Variants in MAB21L3 observed in about 807,000 individuals in gnomAD.
MAB21L3 encodes the protein protein mab-21-like 3.
Under a neutral mutation model 37.7 loss-of-function variants are expected in MAB21L3, and 36 were observed. The ratio of observed to expected loss-of-function variants is 0.96; its 90% CI spans 0.73 to 1.26. The LOEUF is 1.26. Among genes scored for constraint, MAB21L3 ranks in the 50% most tolerant of loss-of-function variants. The pLI is 0.00. For synonymous variants in MAB21L3, 186 were observed against 176.8 expected (o/e 1.05, Z -0.41); for missense variants, 430 against 447.3 (o/e 0.96, Z 0.35).
chr1:116,127,448 T>G lies in MAB21L3; in HGVS notation c.482-18T>G. ...AAACCTTTCTCTTCTCCTTATCCAT[T>G]TGGTCATTTCCCACCAGGTAAGGTC... On this transcript the variant is annotated intron_variant, in intron 5 of 7. Transcript: ENST00000369500. The G allele has an allele frequency of 6.2e-7, 1 of 1,608,986 alleles. No individual in the cohort carries two copies. Among genetic ancestry groups the G allele is most frequent in the South Asian group, 1.1e-5 (1 of 90,376 alleles).
At chr1:116,128,556 C>T (rs1463912717) in intron 7 of MAB21L3, among the ~76,000 whole-genome samples, 1 of 152,114 alleles carries the variant, frequency 6.6e-6, no homozygotes, top group Non-Finnish European at 1.5e-5. Flanking sequence ...AACACCCCTG[C>T]CCAGGGTAAA....
chr1:116,130,115 C>T (rs73000663), intron 7 of MAB21L3, among the ~76,000 whole-genome samples: 5,222 of 152,274 alleles, frequency 0.034, 275 homozygotes, highest in African/African-American at 0.11. Context: ...ATAACCTTAA[C>T]GATTGACTTC....
At chr1:116,130,409 A>G (rs1044276156) in intron 7 of MAB21L3, among the ~76,000 whole-genome samples, 3 of 152,258 alleles carry the variant, frequency 2.0e-5, no homozygotes, top group African/African-American at 7.2e-5. Context: ...GGAGTAAGAT[A>G]AACAGAAAGT....
intron 7 of MAB21L3, among the ~76,000 whole-genome samples, chr1:116,131,573 G>A (rs149196267): frequency 0.021 from 3,231 of 152,144 alleles, 103 homozygotes; most frequent in African/African-American, 0.074. Context: ...GGAGTGCAGC[G>A]GCATGATCTT....
At chr1:116,114,436 A>G (rs1659511346) in intron 3 of MAB21L3, among the ~76,000 whole-genome samples, 1 of 152,240 alleles carries the variant, frequency 6.6e-6, no homozygotes, top group Admixed American at 6.5e-5. Context: ...AGGAGGAAAC[A>G]GAGGCTTGTG....
In MAB21L3 at chr1:116,133,560, G is replaced by A; in HGVS notation, c.*195G>A. On this transcript the variant is annotated 3_prime_UTR_variant, in exon 8 of 8. Transcript: ENST00000369500. ...GATGTCTGGCCCAGGCCTCCCTGGA[G>A]CCCAGCAAGCATTTCTGCCCTAGCT... 1.6e-6 allele frequency: 1 copy of A among 608,030 alleles called. No homozygotes were observed. Among genetic ancestry groups the A allele is most frequent in the Non-Finnish European group, 2.9e-6 (1 of 344,700 alleles). The allele number at this position is 608,030 out of a possible 1,614,324, so 37.7% of individuals were successfully genotyped here. A position where few individuals can be genotyped will look rare whatever the true frequency, so the allele number is the denominator to read the frequency against.
intron 3 of MAB21L3, among the ~76,000 whole-genome samples, chr1:116,113,902 A>T (rs1450542409): frequency 1.3e-5 from 2 of 152,094 alleles, no homozygotes; most frequent in Non-Finnish European, 2.9e-5. Flanking sequence ...TGCCTCTCTC[A>T]CGTGTGTCCC....
chr1:116,122,670 C>G (rs1659785914), intron 4 of MAB21L3, among the ~76,000 whole-genome samples: 1 of 152,208 alleles, frequency 6.6e-6, no homozygotes, highest in African/African-American at 2.4e-5. Context: ...AAGTGATTTT[C>G]CCACCTCAGC....
At chr1:116,127,126 A>G (rs556897179) in intron 5 of MAB21L3, among the ~76,000 whole-genome samples, 34 of 152,258 alleles carry the variant, frequency 2.2e-4, no homozygotes, top group African/African-American at 7.2e-4. Flanking sequence ...TTTTTATTCT[A>G]TGGCTTTTAC....
chr1:116,130,270 C>A (rs1660034987), intron 7 of MAB21L3, among the ~76,000 whole-genome samples: 1 of 152,226 alleles, frequency 6.6e-6, no homozygotes, highest in African/African-American at 2.4e-5. Flanking sequence ...ATTCTGATGG[C>A]TCCTAAGTCA....
chr1:116,115,962 C>T (rs111712699), intron 3 of MAB21L3, among the ~76,000 whole-genome samples: 1 of 152,128 alleles, frequency 6.6e-6, no homozygotes, highest in African/African-American at 2.4e-5. Context: ...TGCCTCAAGG[C>T]TGCCTTGAAG....
rs1230781287 is a variant in MAB21L3 at position 116,128,350 on chromosome 1, G to A, written c.855+11G>A. ...TCCCACCATCTGCAGGTGAGTGTGG[G>A]GCAGGTTGGAGAAGACCCAGGGGCA... On this transcript the variant is annotated intron_variant, in intron 7 of 7. Coordinates refer to ENST00000369500, the MANE Select transcript of MAB21L3 (RefSeq NM_152367.3). 6 of 1,603,372 alleles carry A rather than the reference G, an allele frequency of 3.7e-6. No individual in the cohort carries two copies. The African/African-American group carries it at 8.2e-5, about 22-fold the overall frequency.
Position 116,124,258 on chromosome 1 carries a change from G to A in MAB21L3, c.382G>A (p.Glu128Lys). ...TATGAAGAGCCTGTGGCAGTGGCAT[G>A]AGACAGATGTGAACATCGACGGAGA... The part of the protein sequence containing the change: ...QFMKSLWQWH[E>K]TDVNIDGDIV... The change falls in exon 5 of 8, where the codon GAG becomes AAG. Residue 128 changes from glutamate to lysine, a missense_variant. Physicochemically the swap from Glu to Lys is moderately conservative, Grantham distance 56. Coordinates refer to ENST00000369500, the MANE Select transcript of MAB21L3 (RefSeq NM_152367.3). The A allele has an allele frequency of 3.1e-6, 5 of 1,614,194 alleles. No homozygotes were observed. The highest frequency in any genetic ancestry group is 4.2e-6 in the Non-Finnish European group (5 of 1,180,042).
chr1:116,118,057 T>C (rs887217403), intron 3 of MAB21L3, among the ~76,000 whole-genome samples: 2 of 152,098 alleles, frequency 1.3e-5, no homozygotes, highest in Non-Finnish European at 2.9e-5. Context: ...AAAAAACTGT[T>C]CGCATCCCTG....
chr1:116,126,986 A>T (rs1263666142), intron 5 of MAB21L3, among the ~76,000 whole-genome samples: 1 of 152,174 alleles, frequency 6.6e-6, no homozygotes, highest in African/African-American at 2.4e-5. Flanking sequence ...AGCACTTTTA[A>T]GGTAGGGTAG....
rs138163031 is a variant in MAB21L3, at chr1:116,124,169, C to A, written c.293C>A (p.Thr98Asn). 1 of 1,614,202 alleles carries A rather than the reference C, an allele frequency of 6.2e-7. No homozygotes were observed. The highest frequency in any genetic ancestry group is 1.1e-5 in the South Asian group (1 of 91,082). Residue 98 changes from threonine to asparagine, a missense_variant, in exon 5 of 8, where the codon ACC (threonine) becomes AAC (asparagine). Physicochemically the swap from Thr to Asn is moderately conservative, Grantham distance 65. Coordinates refer to ENST00000369500, the MANE Select transcript of MAB21L3 (RefSeq NM_152367.3). ...TGGCGGTACTACACACTGCAGGGCA[C>A]CAGGCTGCCCTGCCCGTTGCGGGAC... ...QHWRYYTLQGTRLPCPLRDPE... is the reference protein window; with the variant it reads ...QHWRYYTLQGNRLPCPLRDPE...
At chr1:116,115,082 T>C (rs1383793398) in intron 3 of MAB21L3, among the ~76,000 whole-genome samples, 3 of 152,338 alleles carry the variant, frequency 2.0e-5, no homozygotes, top group Non-Finnish European at 4.4e-5. Context: ...TTTGGGAACC[T>C]GGGCAAATTA....
chr1:116,112,845 A>G (rs1274451782), intron 3 of MAB21L3, among the ~76,000 whole-genome samples, 182 bp downstream of exon 3: 1 of 152,178 alleles, frequency 6.6e-6, no homozygotes, highest in African/African-American at 2.4e-5. Context: ...CTTCTCTTTG[A>G]GGGTCTGGTA....
chr1:116,129,408 G>C (rs1288994765), intron 7 of MAB21L3, among the ~76,000 whole-genome samples: 1 of 152,222 alleles, frequency 6.6e-6, no homozygotes, highest in African/African-American at 2.4e-5. Context: ...GCTAGTGTGG[G>C]CTGTGAAGCC....
Sources: allele counts gnomAD v4.1 joint callset (sites outside exome capture counted in the v4.1 genomes callset), GRCh38; gene constraint gnomAD v4.1.1; transcripts MANE v1.5; gene names NCBI Gene and HGNC (gene_info 2026-07-23, HGNC 2026-07-21).